The following KCNIP4 variants were observed in gnomAD, a reference collection of about 807,000 sequenced individuals.
The protein encoded by KCNIP4 is Kv channel-interacting protein 4.
A neutral mutation model predicts 34.0 loss-of-function variants in KCNIP4; 12 were observed. The ratio of observed to expected loss-of-function variants is 0.35; its 90% confidence interval spans 0.23 to 0.57. The LOEUF is 0.57. KCNIP4 is among the 20% of genes least tolerant of loss of function. The pLI is 0.83. For synonymous variants in KCNIP4, 124 were observed against 102.2 expected (o/e 1.21, Z -1.29); for missense variants, 238 against 311.7 (o/e 0.76, Z 1.78).
At chr4:20,882,552 T>A in intron 2 of KCNIP4, 56 bp downstream of exon 2, 93 of 1,260,968 alleles carry the variant, frequency 7.4e-5, no homozygotes, top group Admixed American at 5.2e-4. Context: ...CATGCAGGCC[T>A]AAAGAAACGA....
At chr4:20,983,835 C>G (rs1736326943) in intron 1 of KCNIP4, 7 of 1,536,324 alleles carry the variant, frequency 4.6e-6, no homozygotes, top group Non-Finnish European at 6.1e-6. Context: ...TCAATCAGTC[C>G]CAGCAAATGA....
chr4:21,281,057 T>C (rs1404110866), intron 1 of KCNIP4, among the ~76,000 whole-genome samples: 2 of 151,660 alleles, frequency 1.3e-5, no homozygotes, highest in Non-Finnish European at 2.9e-5. Context: ...TTAAATGATC[T>C]ATTTTTAACA....
At chr4:21,697,781 T>C in intron 1 of KCNIP4, 1 of 500,450 alleles carries the variant, frequency 2.0e-6, no homozygotes, top group Non-Finnish European at 2.7e-6. Context: ...AGTTGCAACC[T>C]CACAGACCAT....
At chr4:21,651,599 T>C (rs1472858308) in intron 1 of KCNIP4, among the ~76,000 whole-genome samples, 2 of 152,206 alleles carry the variant, frequency 1.3e-5, no homozygotes, top group Non-Finnish European at 2.9e-5. Context: ...TTATGAAATA[T>C]GATGAATGCT....
chr4:21,296,501 G>C (rs1485512), intron 1 of KCNIP4, among the ~76,000 whole-genome samples: 97,847 of 150,602 alleles, frequency 0.65, 32,437 homozygotes, highest in African/African-American at 0.79. Flanking sequence ...TAAGCATATA[G>C]AAATACCAAC....
At chr4:21,445,839 A>C (rs1039657245) in intron 1 of KCNIP4, among the ~76,000 whole-genome samples, 7 of 152,158 alleles carry the variant, frequency 4.6e-5, no homozygotes, top group African/African-American at 9.7e-5. Context: ...AACAGGCAAC[A>C]CACAGAATGG....
chr4:20,879,844 C>A (rs1176453356), intron 2 of KCNIP4, among the ~76,000 whole-genome samples: 1 of 152,058 alleles, frequency 6.6e-6, no homozygotes, highest in Non-Finnish European at 1.5e-5. Context: ...TAAATCAGTT[C>A]TTTTATCCAA....
intron 1 of KCNIP4, among the ~76,000 whole-genome samples, chr4:21,348,124 C>T (rs559729716): frequency 6.6e-6 from 1 of 152,246 alleles, no homozygotes; most frequent in African/African-American, 2.4e-5. Flanking sequence ...TTCATGGTAT[C>T]CTTACCTGGA....
At chr4:20,946,658 CT>C (rs1028040258) in intron 1 of KCNIP4, among the ~76,000 whole-genome samples, 10 of 152,256 alleles carry the variant, frequency 6.6e-5, no homozygotes, top group African/African-American at 2.4e-4. Context: ...TGTCCTTGAT[CT>C]TTTCCTCCCT....
chr4:21,293,203 T>C (rs142487488), intron 1 of KCNIP4, among the ~76,000 whole-genome samples: 8 of 152,362 alleles, frequency 5.3e-5, no homozygotes, highest in Non-Finnish European at 1.0e-4. Context: ...GATATATTAA[T>C]AGAGCCAGCT....
chr4:21,794,482 T>C (rs973248483), intron 1 of KCNIP4, among the ~76,000 whole-genome samples: 3 of 152,174 alleles, frequency 2.0e-5, no homozygotes, highest in African/African-American at 2.4e-5. Flanking sequence ...CATCTGAGTA[T>C]GTAGAGCAAT....
intron 1 of KCNIP4, among the ~76,000 whole-genome samples, chr4:21,362,615 A>T (rs1204524026): frequency 6.6e-6 from 1 of 151,846 alleles, no homozygotes; most frequent in Non-Finnish European, 1.5e-5. Context: ...AATTAAAAAA[A>T]CTCCCCTTCC....
At chr4:21,090,998 G>A (rs56025335) in intron 1 of KCNIP4, among the ~76,000 whole-genome samples, 25,614 of 152,132 alleles carry the variant, frequency 0.17, 2,240 homozygotes, top group East Asian at 0.24. Context: ...TGTTAGGAAT[G>A]TTTTTATGTA....
chr4:21,403,707 T>G (rs1318894037), intron 1 of KCNIP4, among the ~76,000 whole-genome samples: 2 of 152,156 alleles, frequency 1.3e-5, no homozygotes, highest in African/African-American at 4.8e-5. Context: ...TTTCTCACAT[T>G]TCTAGAGGCC....
intron 1 of KCNIP4, among the ~76,000 whole-genome samples, chr4:21,716,636 A>G (rs1402395675): frequency 1.3e-5 from 2 of 152,120 alleles, no homozygotes; most frequent in Admixed American, 6.5e-5. Context: ...GCTTAATTAT[A>G]AGATGGTCTG....
intron 1 of KCNIP4, among the ~76,000 whole-genome samples, chr4:20,904,619 C>T (rs1727533910): frequency 6.6e-6 from 1 of 152,146 alleles, no homozygotes. Flanking sequence ...ATCAATTTAT[C>T]TGGCATCCTT....
At chr4:21,059,622 T>G (rs2108968019) in intron 1 of KCNIP4, among the ~76,000 whole-genome samples, 1 of 152,206 alleles carries the variant, frequency 6.6e-6, no homozygotes, top group South Asian at 2.1e-4. Context: ...GCCTGCTATT[T>G]TTAAGGAAAG....
intron 3 of KCNIP4, among the ~76,000 whole-genome samples, chr4:20,832,358 A>G (rs982987175): frequency 6.6e-6 from 1 of 152,202 alleles, no homozygotes; most frequent in African/African-American, 2.4e-5. Flanking sequence ...TAATTTAAAA[A>G]TAGGAGAAAG....
chr4:21,467,423 C>T (rs537778801), intron 1 of KCNIP4, among the ~76,000 whole-genome samples: 2 of 152,136 alleles, frequency 1.3e-5, no homozygotes, highest in Non-Finnish European at 2.9e-5. Flanking sequence ...TGCCTCATTG[C>T]TCACAACACT....
Sources: allele counts gnomAD v4.1 joint callset (sites outside exome capture counted in the v4.1 genomes callset), GRCh38; gene constraint gnomAD v4.1.1; transcripts MANE v1.5; gene names NCBI Gene and HGNC (gene_info 2026-07-23, HGNC 2026-07-21).